The following ELMO1 variants were observed in gnomAD, a reference collection of about 807,000 sequenced individuals.
ELMO1 encodes the protein engulfment and cell motility protein 1.
Under a neutral mutation model 98.9 loss-of-function variants are expected in ELMO1, and 26 were observed. The ratio of observed to expected loss-of-function variants is 0.26; its 90% CI spans 0.19 to 0.36. ELMO1 has a LOEUF of 0.36. Ranked by LOEUF, ELMO1 falls within the 10% of genes least tolerant of loss-of-function variation. The pLI is 1.00. For missense variants in ELMO1, 627 were observed against 935.2 expected, an observed-to-expected ratio of 0.67 and a Z score of 4.30; for synonymous variants, 346 against 346.0, an observed-to-expected ratio of 1.00 and a Z score of 0.00.
intron 16 of ELMO1, among the ~76,000 whole-genome samples, chr7:36,918,499 G>A (rs1784884348): frequency 6.6e-6 from 1 of 152,080 alleles, no homozygotes; most frequent in African/African-American, 2.4e-5. Flanking sequence ...GTCACCCAGG[G>A]GATTCACAGA....
At chr7:36,987,119 C>T (rs2129148822) in intron 16 of ELMO1, among the ~76,000 whole-genome samples, 1 of 152,268 alleles carries the variant, frequency 6.6e-6, no homozygotes, top group South Asian at 2.1e-4. Context: ...AGTGTTCAGG[C>T]CCAGCTCTTT....
chr7:37,371,536 T>TG (rs572201413), intron 1 of ELMO1, among the ~76,000 whole-genome samples: 14 of 152,270 alleles, frequency 9.2e-5, no homozygotes, highest in South Asian at 2.1e-4. Flanking sequence ...AGTAACAAAA[T>TG]GGGGGGGTTC....
intron 4 of ELMO1, among the ~76,000 whole-genome samples, chr7:37,307,776 AG>A (rs747508642): frequency 1.9e-4 from 29 of 152,210 alleles, no homozygotes; most frequent in Non-Finnish European, 3.8e-4. Context: ...TTGGACTCAA[AG>A]TGCTACCCAG....
chr7:36,978,184 A>G (rs1270078247), intron 16 of ELMO1, among the ~76,000 whole-genome samples: 2 of 152,106 alleles, frequency 1.3e-5, no homozygotes, highest in Non-Finnish European at 2.9e-5. Flanking sequence ...TTTACCTGTA[A>G]TAAGGTAACT....
At chr7:37,233,643 A>T (rs1794305359) in intron 7 of ELMO1, among the ~76,000 whole-genome samples, 1 of 152,252 alleles carries the variant, frequency 6.6e-6, no homozygotes, top group African/African-American at 2.4e-5. Flanking sequence ...GGAGCTGCTT[A>T]GGCAGGGCAA....
At chr7:36,979,871 T>C (rs186115868) in intron 16 of ELMO1, among the ~76,000 whole-genome samples, 2 of 152,314 alleles carry the variant, frequency 1.3e-5, no homozygotes, top group African/African-American at 4.8e-5. Flanking sequence ...CTGAGTTCCA[T>C]TAGCTCATGG....
chr7:36,983,481 C>T (rs756403176), intron 16 of ELMO1, among the ~76,000 whole-genome samples: 1 of 152,332 alleles, frequency 6.6e-6, no homozygotes. Flanking sequence ...TCTCCTTCCA[C>T]ATATGAATGC....
At chr7:37,437,724 C>T (rs1805208821) in intron 1 of ELMO1, among the ~76,000 whole-genome samples, 1 of 11,004 alleles carries the variant, frequency 9.1e-5, no homozygotes, top group African/African-American at 2.4e-4. Context: ...AATCCCAGCA[C>T]TTTGGGAGGC....
intron 1 of ELMO1, among the ~76,000 whole-genome samples, chr7:37,402,444 A>T (rs1488401487): frequency 6.6e-6 from 1 of 152,100 alleles, no homozygotes; most frequent in Non-Finnish European, 1.5e-5. Flanking sequence ...AAAGGAACAA[A>T]ATGGAAGGAT....
At chr7:37,261,754 AC>A (rs1795989132) in intron 5 of ELMO1, among the ~76,000 whole-genome samples, 1 of 152,164 alleles carries the variant, frequency 6.6e-6, no homozygotes, top group African/African-American at 2.4e-5. Context: ...AAGTTCTTGC[AC>A]CATGCCTGGC....
chr7:36,880,822 T>C (rs561195242), intron 18 of ELMO1, among the ~76,000 whole-genome samples: 2 of 152,336 alleles, frequency 1.3e-5, no homozygotes, highest in South Asian at 2.1e-4. Flanking sequence ...ACAGTGGCTA[T>C]CTGTCAGAGT....
At chr7:37,169,628 A>C (rs1474312687) in intron 13 of ELMO1, among the ~76,000 whole-genome samples, 1 of 152,250 alleles carries the variant, frequency 6.6e-6, no homozygotes, top group Non-Finnish European at 1.5e-5. Context: ...AAGACATTTC[A>C]AAATTTCAAG....
rs144216955 is a variant in ELMO1, at chr7:36,970,783, T to C, written c.1437+42516A>G. ...AAACCTGAGTTACTTAGGTATGTGG[T>C]TGTGCAATGTCAGAGCTGGCCACTC... is the stretch of plus-strand genomic sequence containing the variant. On this transcript the variant is annotated intron_variant, in intron 16 of 21. Transcript: ENST00000310758. Among the ~76,000 whole-genome samples the C allele has an allele frequency of 6.9e-3, 1,044 of 152,340 alleles. 13 individuals are homozygous for C. The highest frequency in any genetic ancestry group is 0.023 in the African/African-American group (964 of 41,580).
At chr7:37,218,506 A>T (rs1793420512) in intron 10 of ELMO1, among the ~76,000 whole-genome samples, 1 of 152,242 alleles carries the variant, frequency 6.6e-6, no homozygotes. Flanking sequence ...AAATAGAAAT[A>T]TCCATGCCTC....
rs1190790221 is a variant in ELMO1 at position 37,292,092 on chromosome 7, C to T, written c.193-20210G>A. On this transcript the variant is annotated intron_variant, in intron 4 of 21. Coordinates refer to ENST00000310758, the MANE Select transcript of ELMO1 (RefSeq NM_014800.11). ...CTTGCCCAGTACCTGCGATTGCAGG[C>T]GCGCACCGCCACGCCTGACTGGTTT... Among the ~76,000 whole-genome samples the T allele has an allele frequency of 6.4e-5, 8 of 125,608 alleles. 1 individual carries two copies. The highest frequency in any genetic ancestry group is 1.3e-4 in the African/African-American group (5 of 38,158). The allele number at this position is 125,608 out of a possible 152,430, so 82.4% of individuals were successfully genotyped here. A position where few individuals can be genotyped will look rare whatever the true frequency, so the allele number is the denominator to read the frequency against.
chr7:37,317,078 A>C (rs1799214085), intron 2 of ELMO1, among the ~76,000 whole-genome samples: 1 of 152,190 alleles, frequency 6.6e-6, no homozygotes, highest in South Asian at 2.1e-4. Context: ...TATTAAATTA[A>C]TACAAAGGGC....
chr7:36,861,540 T>G, intron 21 of ELMO1, 119 bp downstream of exon 21: 2 of 1,143,598 alleles, frequency 1.7e-6, no homozygotes, highest in Non-Finnish European at 1.3e-6. Flanking sequence ...GTCAGCAAGA[T>G]GCCCCTTGGT....
In ELMO1 at chr7:36,878,234, C is replaced by A. The variant is rs1804129590; in HGVS notation, c.1715-117G>T. ...ACAAGCAGTTCATTTGATTTTAAGT[C>A]TTGAGGAAGAATGAATTCTAGGGCC... On this transcript the variant is annotated intron_variant, in intron 18 of 21. Transcript: ENST00000310758. The A allele has an allele frequency of 5.3e-6, 4 of 753,358 alleles. No homozygotes were observed. In the Admixed American group the frequency reaches 7.5e-5, roughly 14 times the overall value. The allele number at this position is 753,358 out of a possible 1,614,324, so 46.7% of individuals were successfully genotyped here. A position where few individuals can be genotyped will look rare whatever the true frequency, so the allele number is the denominator to read the frequency against.
At position 37,317,660 on chromosome 7, in the gene ELMO1, T is replaced by C. The variant is rs551563955; in HGVS notation, c.79-1700A>G. ...ATGGAGATAGAGAGTAGAAGAATGG[T>C]TACCAGAAGCTGTGAAGGGTAGTGG... On this transcript the variant is annotated intron_variant, in intron 2 of 21. Coordinates refer to ENST00000310758, the MANE Select transcript of ELMO1 (RefSeq NM_014800.11). Among the ~76,000 whole-genome samples the C allele has an allele frequency of 8.5e-4, 130 of 152,270 alleles. 1 individual carries two copies. Among genetic ancestry groups the C allele is most frequent in the Non-Finnish European group, 1.7e-3 (114 of 68,028 alleles).
Sources: allele counts gnomAD v4.1 joint callset (sites outside exome capture counted in the v4.1 genomes callset), GRCh38; gene constraint gnomAD v4.1.1; transcripts MANE v1.5; gene names NCBI Gene and HGNC (gene_info 2026-07-23, HGNC 2026-07-21).